SUGCT: variants seen among roughly 807,000 people sequenced by gnomAD.
SUGCT encodes the protein succinyl-CoA:glutarate CoA-transferase.
Under a neutral mutation model 55.0 loss-of-function variants are expected in SUGCT, and 41 were observed. That is an observed-to-expected ratio of 0.74 (90% CI 0.58 to 0.97). The LOEUF is 0.97. SUGCT is among the 50% of genes least tolerant of loss of function. The pLI, the probability that SUGCT is intolerant of heterozygous loss-of-function variation, is 0.00. For missense variants in SUGCT, 568 were observed against 547.8 expected (o/e 1.04, Z -0.37); for synonymous variants, 187 against 200.4 (o/e 0.93, Z 0.56).
intron 6 of SUGCT, among the ~76,000 whole-genome samples, chr7:40,223,146 C>T (rs184877341): frequency 4.1e-4 from 63 of 151,842 alleles, no homozygotes; most frequent in African/African-American, 1.3e-3. Flanking sequence ...CCGCAACCTC[C>T]GCCTCCTGTG....
intron 9 of SUGCT, among the ~76,000 whole-genome samples, chr7:40,414,094 G>A (rs1786838587): frequency 2.0e-5 from 3 of 152,208 alleles, no homozygotes; most frequent in Admixed American, 6.5e-5. Flanking sequence ...ATAACATATG[G>A]CTTTTAAATC....
chr7:40,906,551 A>C, the SUGCT span, among the ~76,000 whole-genome samples: 9 of 152,214 alleles, frequency 5.9e-5, no homozygotes, highest in African/African-American at 1.9e-4. Flanking sequence ...ATGCAACAAT[A>C]AAAAAATACA....
chr7:40,190,343 G>C (rs1328143772), intron 5 of SUGCT, among the ~76,000 whole-genome samples: 1 of 152,100 alleles, frequency 6.6e-6, no homozygotes, highest in Non-Finnish European at 1.5e-5. Flanking sequence ...TCCACCTCCT[G>C]GGTTCAAGCA....
intron 9 of SUGCT, among the ~76,000 whole-genome samples, chr7:40,386,963 C>G (rs1785160629): frequency 6.6e-6 from 1 of 152,146 alleles, no homozygotes; most frequent in Non-Finnish European, 1.5e-5. Flanking sequence ...CCCTTACTCT[C>G]ACACCAATGC....
chr7:40,217,778 T>G (rs1333660122), intron 6 of SUGCT, among the ~76,000 whole-genome samples: 1 of 152,214 alleles, frequency 6.6e-6, no homozygotes, highest in Non-Finnish European at 1.5e-5. Flanking sequence ...TGGAACATCT[T>G]GCATTTGTGG....
chr7:40,597,772 C>A (rs1411246459), intron 12 of SUGCT, among the ~76,000 whole-genome samples: 1 of 152,140 alleles, frequency 6.6e-6, no homozygotes, highest in Non-Finnish European at 1.5e-5. Flanking sequence ...CCACTATTGA[C>A]CCACAGTTGA....
chr7:40,924,969 G>T, the SUGCT span, among the ~76,000 whole-genome samples: 1 of 152,078 alleles, frequency 6.6e-6, no homozygotes, highest in African/African-American at 2.4e-5. Flanking sequence ...TAGTCATATG[G>T]ATATTGTGTT....
intron 9 of SUGCT, among the ~76,000 whole-genome samples, chr7:40,345,337 C>T (rs188549857): frequency 6.6e-6 from 1 of 152,262 alleles, no homozygotes; most frequent in Non-Finnish European, 1.5e-5. Context: ...GTCAATGTCA[C>T]AAATATTTTT....
At chr7:40,889,074 T>C in the SUGCT span, among the ~76,000 whole-genome samples, 66 of 152,258 alleles carry the variant, frequency 4.3e-4, no homozygotes, top group Non-Finnish European at 2.5e-4. Flanking sequence ...AGCTTGACTG[T>C]GATGAATGGG....
At chr7:40,660,744 A>G (rs1801262112) in intron 12 of SUGCT, among the ~76,000 whole-genome samples, 1 of 152,084 alleles carries the variant, frequency 6.6e-6, no homozygotes, top group Non-Finnish European at 1.5e-5. Context: ...TGTTTGATAA[A>G]AACAACCCAG....
intron 9 of SUGCT, among the ~76,000 whole-genome samples, chr7:40,376,925 A>G (rs1247575966): frequency 6.6e-6 from 1 of 151,780 alleles, no homozygotes; most frequent in Non-Finnish European, 1.5e-5. Flanking sequence ...CACTGCATGT[A>G]GAACTCCAGT....
chr7:40,266,110 A>C (rs1193393368), intron 7 of SUGCT, among the ~76,000 whole-genome samples: 4 of 151,976 alleles, frequency 2.6e-5, no homozygotes, highest in Non-Finnish European at 5.9e-5. Flanking sequence ...TTAAAGAAGG[A>C]ATTTCAGGTT....
chr7:40,670,865 C>G (rs1183545964), intron 12 of SUGCT, among the ~76,000 whole-genome samples: 2 of 152,002 alleles, frequency 1.3e-5, no homozygotes, highest in Non-Finnish European at 2.9e-5. Context: ...AAAAACCCAC[C>G]AATTTTACAC....
the SUGCT span, among the ~76,000 whole-genome samples, chr7:40,943,798 A>G: frequency 1.9e-4 from 29 of 152,044 alleles, no homozygotes; most frequent in African/African-American, 6.8e-4. Context: ...AATACCCAGT[A>G]ATGGGATGGC....
intron 9 of SUGCT, among the ~76,000 whole-genome samples, chr7:40,338,280 T>A (rs1796830994): frequency 6.6e-6 from 1 of 152,216 alleles, no homozygotes; most frequent in African/African-American, 2.4e-5. Flanking sequence ...ATTTCCTGAA[T>A]TTGAATGTTG....
the SUGCT span, among the ~76,000 whole-genome samples, chr7:40,960,784 A>C: frequency 6.6e-6 from 1 of 152,112 alleles, no homozygotes; most frequent in African/African-American, 2.4e-5. Context: ...ATTACATCTC[A>C]TTTATGTTTC....
chr7:40,984,952 C>A, the SUGCT span, among the ~76,000 whole-genome samples: 1 of 152,152 alleles, frequency 6.6e-6, no homozygotes, highest in Non-Finnish European at 1.5e-5. Flanking sequence ...TGCTAATCAA[C>A]CTTTGTTCTT....
Position 40,181,978 on chromosome 7 carries a change from C to A in SUGCT, c.176C>A (p.Thr59Asn). ...LTRVLAGPFA[T>N]MNLGDLGAEV... ...AGAGTCCTGGCGGGACCTTTTGCTA[C>A]TATGAATTTAGGAGATCTTGGAGCA... Residue 59 changes from threonine (T) to asparagine (N), a missense_variant, in exon 3 of 14, where the codon ACT becomes AAT. Transcript: ENST00000335693. The A allele has an allele frequency of 6.3e-7, 1 of 1,599,724 alleles. No individual in the cohort carries two copies.
intron 1 of SUGCT, among the ~76,000 whole-genome samples, chr7:40,149,626 T>G (rs1329786867): frequency 6.6e-6 from 1 of 151,994 alleles, no homozygotes; most frequent in East Asian, 1.9e-4. Flanking sequence ...CTATTAAAAA[T>G]ATAAAAATCG....
Sources: allele counts gnomAD v4.1 joint callset (sites outside exome capture counted in the v4.1 genomes callset), GRCh38; gene constraint gnomAD v4.1.1; transcripts MANE v1.5; gene names NCBI Gene and HGNC (gene_info 2026-07-23, HGNC 2026-07-21).